TRIM71: variants seen among roughly 807,000 people sequenced by gnomAD.
The protein encoded by TRIM71 is E3 ubiquitin-protein ligase TRIM71.
Under a neutral mutation model 61.2 loss-of-function variants are expected in TRIM71, and 9 were observed. That is an observed-to-expected ratio of 0.15 (90% CI 0.09 to 0.26). TRIM71 has a LOEUF of 0.26. TRIM71 is among the 10% of genes least tolerant of loss of function. The pLI is 1.00. For synonymous variants in TRIM71, 645 were observed against 553.2 expected (o/e 1.17, Z -2.33); for missense variants, 998 against 1,238.7 (o/e 0.81, Z 2.92).
intron 1 of TRIM71, among the ~76,000 whole-genome samples, chr3:32,823,805 G>A (rs1696167298): frequency 6.8e-6 from 1 of 147,542 alleles, no homozygotes. Context: ...TGTTTGAAGA[G>A]GGTCAGGCGT....
intron 1 of TRIM71, among the ~76,000 whole-genome samples, chr3:32,821,068 G>A (rs998231371): frequency 3.9e-5 from 6 of 152,174 alleles, no homozygotes; most frequent in African/African-American, 1.4e-4. Context: ...GCACTAACAG[G>A]TAGTGAGGTT....
intron 2 of TRIM71, among the ~76,000 whole-genome samples, chr3:32,881,093 A>C (rs11707123): frequency 0.18 from 27,852 of 151,974 alleles, 2,664 homozygotes; most frequent in Non-Finnish European, 0.21. Context: ...ATTTTGGCTC[A>C]CTGCAACTTC....
chr3:32,891,850 G>A lies in TRIM71; in HGVS notation c.*39G>A, dbSNP rs753021649. 11 of 1,574,696 alleles carry A rather than the reference G, an allele frequency of 7.0e-6. No individual in the cohort carries two copies. In the East Asian group the frequency reaches 1.2e-4, roughly 17 times the overall value. ...GTTTCTGTGTTTGGGGTGTGTGTGC[G>A]TGTCTCTCTCTCTCTCTCTCTCTTT... On this transcript the variant is annotated 3_prime_UTR_variant, in exon 4 of 4. Transcript: ENST00000383763. This position sits in a 1 kb window ranked among gnomAD's most constrained non-coding sequence, Gnocchi z 8.2.
intron 2 of TRIM71, among the ~76,000 whole-genome samples, chr3:32,877,067 T>C (rs775255161): frequency 4.6e-5 from 7 of 152,082 alleles, no homozygotes; most frequent in Non-Finnish European, 8.8e-5. Flanking sequence ...GTACACTACA[T>C]AGATTGTGAT....
intron 1 of TRIM71, among the ~76,000 whole-genome samples, chr3:32,867,459 A>C (rs1480048885): frequency 6.6e-6 from 1 of 152,106 alleles, no homozygotes; most frequent in African/African-American, 2.4e-5. Context: ...ATATATACAT[A>C]CATATTTTTG....
chr3:32,853,521 G>A (rs1319818281), intron 1 of TRIM71, among the ~76,000 whole-genome samples: 1 of 152,144 alleles, frequency 6.6e-6, no homozygotes. Context: ...GTCTCATGTG[G>A]TGCTATAAAT....
chr3:32,854,762 T>C (rs1276373778), intron 1 of TRIM71, among the ~76,000 whole-genome samples: 1 of 152,160 alleles, frequency 6.6e-6, no homozygotes, highest in African/African-American at 2.4e-5. Context: ...CCCACTTAAA[T>C]AGAGCTATTG....
Position 32,818,019 on chromosome 3 carries a change from C to T in TRIM71, c.-62C>T. The T allele has an allele frequency of 6.5e-7, 1 of 1,527,306 alleles. No homozygotes were observed. The highest frequency in any genetic ancestry group is 9.0e-7 in the Non-Finnish European group (1 of 1,110,638). 94.6% of individuals were successfully genotyped at this position (1,527,306 alleles called of 1,614,324 possible). A position where few individuals can be genotyped will look rare whatever the true frequency, so the allele number is the denominator to read the frequency against. On this transcript the variant is annotated 5_prime_UTR_variant, in exon 1 of 4. Coordinates refer to ENST00000383763, the MANE Select transcript of TRIM71 (RefSeq NM_001039111.3). ...GTGACTCCCCCACCCACCTCGTCCG[C>T]TCTCTCCTCCTCCTCCTCCTCTTCC...
intron 1 of TRIM71, among the ~76,000 whole-genome samples, chr3:32,828,708 C>G (rs1402484050): frequency 6.6e-6 from 1 of 152,044 alleles, no homozygotes; most frequent in Admixed American, 6.6e-5. Flanking sequence ...CCATGTTGCC[C>G]AGGCTTGTGT....
chr3:32,846,230 C>T (rs1159397590), intron 1 of TRIM71, among the ~76,000 whole-genome samples: 1 of 151,954 alleles, frequency 6.6e-6, no homozygotes, highest in East Asian at 1.9e-4. Flanking sequence ...CGCCTACCAC[C>T]ATGCCTGGCT....
intron 1 of TRIM71, among the ~76,000 whole-genome samples, chr3:32,819,305 C>T (rs958525420): frequency 1.2e-4 from 19 of 152,158 alleles, no homozygotes; most frequent in African/African-American, 4.1e-4. Flanking sequence ...AGAGGCCTCC[C>T]AACGTGCTGA....
intron 1 of TRIM71, among the ~76,000 whole-genome samples, chr3:32,848,949 C>G (rs895520683): frequency 5.3e-5 from 8 of 152,168 alleles, no homozygotes; most frequent in Non-Finnish European, 1.2e-4. Flanking sequence ...AATGAGTTCC[C>G]TGAAGCTCTG....
chr3:32,840,145 T>G (rs1481120526), intron 1 of TRIM71, among the ~76,000 whole-genome samples: 1 of 152,188 alleles, frequency 6.6e-6, no homozygotes. Context: ...CATCTGAAGA[T>G]GTACCCACTG....
In TRIM71 at chr3:32,818,723, T is replaced by C; in HGVS notation, c.643T>C (p.Cys215Arg). 6.3e-7 allele frequency: 1 copy of C among 1,597,018 alleles called. No homozygotes were observed. The highest frequency in any genetic ancestry group is 8.5e-7 in the Non-Finnish European group (1 of 1,176,774). The change falls in exon 1 of 4, where the codon TGC (cysteine) becomes CGC (arginine). Residue 215 changes from cysteine to arginine, a missense_variant. Coordinates refer to ENST00000383763, the MANE Select transcript of TRIM71 (RefSeq NM_001039111.3). ...GNAASSRCLD[C>R]QEHLCDNCVR... ...CGCAGCTTCTTCGCGCTGCCTCGAC[T>C]GCCAGGAGCACCTGTGCGACAACTG...
At chr3:32,851,258 C>A (rs1696535700) in intron 1 of TRIM71, among the ~76,000 whole-genome samples, 1 of 152,038 alleles carries the variant, frequency 6.6e-6, no homozygotes, top group Non-Finnish European at 1.5e-5. Flanking sequence ...TTTCAGGCTA[C>A]AATTAGTAAA....
At chr3:32,827,983 C>T (rs556799589) in intron 1 of TRIM71, among the ~76,000 whole-genome samples, 10 of 152,004 alleles carry the variant, frequency 6.6e-5, no homozygotes, top group Non-Finnish European at 1.5e-4. Flanking sequence ...TATTAAAATG[C>T]TGTTGTATAA....
chr3:32,876,049 C>T (rs1696849323), intron 2 of TRIM71, among the ~76,000 whole-genome samples: 1 of 152,030 alleles, frequency 6.6e-6, no homozygotes, highest in Non-Finnish European at 1.5e-5. Flanking sequence ...ATTGTTATGC[C>T]AGTATTGCTC....
At chr3:32,874,367 T>TACTACAACA (rs776234839) in intron 2 of TRIM71, among the ~76,000 whole-genome samples, 46 of 110,990 alleles carry the variant, frequency 4.1e-4, no homozygotes, top group African/African-American at 1.2e-3. Context: ...CTACTACTAC[T>TACTACAACA]ACAACATATT....
chr3:32,866,511 G>A (rs1696738223), intron 1 of TRIM71, among the ~76,000 whole-genome samples: 1 of 152,228 alleles, frequency 6.6e-6, no homozygotes, highest in Admixed American at 6.5e-5. Context: ...ACAGGCGTGA[G>A]CCACCACGCC....
Sources: allele counts gnomAD v4.1 joint callset (sites outside exome capture counted in the v4.1 genomes callset), GRCh38; gene constraint gnomAD v4.1.1; non-coding constraint Gnocchi (gnomAD v3.1); transcripts MANE v1.5; gene names NCBI Gene and HGNC (gene_info 2026-07-23, HGNC 2026-07-21).